Variants in SLC7A14 observed in about 807,000 individuals in gnomAD.
SLC7A14 encodes solute carrier family 7 member 14.
SLC7A14 carries 37 observed loss-of-function variants against 60.2 expected under a neutral mutation model. The ratio of observed to expected loss-of-function variants is 0.61; its 90% CI spans 0.47 to 0.81. The LOEUF is 0.81. Ranked by LOEUF, SLC7A14 falls within the 30% of genes least tolerant of loss-of-function variation. The pLI is 0.00. For synonymous variants in SLC7A14, 399 were observed against 395.8 expected, an observed-to-expected ratio of 1.01 and a Z score of -0.10; for missense variants, 886 against 982.7, an observed-to-expected ratio of 0.90 and a Z score of 1.32.
intron 2 of SLC7A14, among the ~76,000 whole-genome samples, chr3:170,525,070 C>T (rs963460960): frequency 6.6e-6 from 1 of 152,246 alleles, no homozygotes; most frequent in African/African-American, 2.4e-5. Context: ...CATTGGTACA[C>T]AGAATTCCCA....
At chr3:170,478,934 C>T (rs1711720520) in intron 7 of SLC7A14, among the ~76,000 whole-genome samples, 1 of 151,912 alleles carries the variant, frequency 6.6e-6, no homozygotes, top group African/African-American at 2.4e-5. Flanking sequence ...ACAGCCTGGC[C>T]AACATGGTGA....
rs1378608919 is a variant in SLC7A14, at chr3:170,486,376, G to A, written c.760-8C>T. The A allele has an allele frequency of 6.2e-7, 1 of 1,614,202 alleles. No homozygotes were observed. Among genetic ancestry groups the A allele is most frequent in the Admixed American group, 1.7e-5 (1 of 60,030 alleles). ...TGCTGCTCCTTGCAGCACCTGTGTG[G>A]ATGATGGCATTTGTCAGACTCAGAA... is the stretch of plus-strand genomic sequence containing the variant. On this transcript the variant is annotated splice_region_variant and splice_polypyrimidine_tract_variant and intron_variant, in intron 4 of 7. Coordinates refer to ENST00000231706, the MANE Select transcript of SLC7A14 (RefSeq NM_020949.3).
chr3:170,491,672 C>T (rs1577509064), intron 4 of SLC7A14, among the ~76,000 whole-genome samples: 1 of 152,086 alleles, frequency 6.6e-6, no homozygotes, highest in South Asian at 2.1e-4. Flanking sequence ...GCAGAGATTC[C>T]TAGAAGTAGC....
intron 1 of SLC7A14, among the ~76,000 whole-genome samples, chr3:170,533,679 G>T (rs62293557): frequency 7.0e-6 from 1 of 143,730 alleles, no homozygotes; most frequent in East Asian, 2.0e-4. Context: ...GTGTGTGTGT[G>T]GTGTGTGTGT....
chr3:170,557,807 A>G (rs1203496469), intron 1 of SLC7A14, among the ~76,000 whole-genome samples: 2 of 152,254 alleles, frequency 1.3e-5, no homozygotes, highest in Non-Finnish European at 2.9e-5. Flanking sequence ...AGTAAGCATT[A>G]GTAAATAGTG....
intron 1 of SLC7A14, among the ~76,000 whole-genome samples, chr3:170,560,629 T>C (rs1280214923): frequency 6.6e-6 from 1 of 152,100 alleles, no homozygotes; most frequent in East Asian, 1.9e-4. Flanking sequence ...AAGCATTGCC[T>C]CTCTATAGAT....
chr3:170,496,631 C>A (rs1176705664), intron 4 of SLC7A14: 5 of 1,499,806 alleles, frequency 3.3e-6, no homozygotes, highest in Non-Finnish European at 3.7e-6. Flanking sequence ...GCGAGGAGAG[C>A]CCGGCTGGAG....
chr3:170,478,075 AT>A (rs869088025), intron 7 of SLC7A14, among the ~76,000 whole-genome samples: 4 of 152,058 alleles, frequency 2.6e-5, no homozygotes, highest in African/African-American at 9.7e-5. Flanking sequence ...TAAAATATTA[AT>A]TTTTTTAAAA....
Position 170,480,427 on chromosome 3 carries a change from G to C in SLC7A14, c.1855C>G (p.Pro619Ala), listed in dbSNP as rs749824783. 1.9e-6 allele frequency: 3 copies of C among 1,613,566 alleles called. No homozygotes were observed. Reference sequence around the variant, plus strand: ...TAGGGCAGCTTCTTGGGGTTCTCTGGCTGCTGCAGGATCACAAACACCAGG... The same window carrying C: ...TAGGGCAGCTTCTTGGGGTTCTCTGCCTGCTGCAGGATCACAAACACCAGG... ...STLVFVILQQ[P>A]ENPKKLPYMA... is the part of the protein sequence containing the mutation. The change falls in exon 7 of 8, where the codon CCA becomes GCA. Residue 619 changes from proline to alanine, a missense_variant. By Grantham distance (27) the Pro-to-Ala change is conservative. Transcript: ENST00000231706.
chr3:170,557,197 T>C (rs1714509016), intron 1 of SLC7A14, among the ~76,000 whole-genome samples: 1 of 152,144 alleles, frequency 6.6e-6, no homozygotes, highest in African/African-American at 2.4e-5. Flanking sequence ...TTGGTCTTCT[T>C]ATTGGGTATA....
chr3:170,489,759 T>C (rs1712155287), intron 4 of SLC7A14, among the ~76,000 whole-genome samples: 1 of 152,126 alleles, frequency 6.6e-6, no homozygotes, highest in Non-Finnish European at 1.5e-5. Flanking sequence ...TATGCAGCCA[T>C]AAAAAAGAAT....
In SLC7A14 at chr3:170,533,766, A is replaced by T. The variant is rs10513682; in HGVS notation, c.-152-6678T>A. ...GTTGGTGCCTGACAAATTCACTTAGATGTACGATTGGCTTTAAAACCAGGG... is the reference window on the plus strand; with the variant it reads ...GTTGGTGCCTGACAAATTCACTTAGTTGTACGATTGGCTTTAAAACCAGGG... On this transcript the variant is annotated intron_variant, in intron 1 of 7. Transcript: ENST00000231706. Among the ~76,000 whole-genome samples, 3 of 152,084 alleles carry T rather than the reference A, an allele frequency of 2.0e-5. No individual in the cohort carries two copies. In the South Asian group the frequency reaches 6.2e-4, roughly 32 times the overall value.
chr3:170,530,483 C>T (rs558119910), intron 1 of SLC7A14, among the ~76,000 whole-genome samples: 64 of 152,284 alleles, frequency 4.2e-4, no homozygotes, highest in African/African-American at 1.3e-3. Context: ...CCCTGGGCTC[C>T]GTGGGGCTCT....
intron 4 of SLC7A14, among the ~76,000 whole-genome samples, chr3:170,488,776 A>G (rs1280569649): frequency 2.0e-5 from 3 of 152,250 alleles, no homozygotes; most frequent in Non-Finnish European, 4.4e-5. Context: ...AATCTTCAGG[A>G]CATTGGTCTG....
chr3:170,543,394 A>G (rs1462505206), intron 1 of SLC7A14, among the ~76,000 whole-genome samples: 1 of 152,134 alleles, frequency 6.6e-6, no homozygotes, highest in East Asian at 1.9e-4. Context: ...TTACTCCTGT[A>G]ATCCCAGCAC....
intron 1 of SLC7A14, among the ~76,000 whole-genome samples, chr3:170,554,254 A>G (rs1408398903): frequency 6.6e-6 from 1 of 152,212 alleles, no homozygotes; most frequent in East Asian, 1.9e-4. Context: ...ATACTATTAC[A>G]TCTTCCACTG....
At chr3:170,539,708 T>A (rs187987734) in intron 1 of SLC7A14, among the ~76,000 whole-genome samples, 1 of 152,318 alleles carries the variant, frequency 6.6e-6, no homozygotes, top group East Asian at 1.9e-4. Context: ...AAACACGAGT[T>A]TAAAATCTAC....
intron 4 of SLC7A14, chr3:170,495,581 G>C: frequency 1.3e-6 from 1 of 764,802 alleles, no homozygotes; most frequent in Non-Finnish European, 2.4e-6. Flanking sequence ...GCAGCTTCCG[G>C]GGTGGCCTGG....
rs908426290 is a variant in SLC7A14, at chr3:170,464,344, G to A, written c.*2711C>T. 6.6e-6 allele frequency: 1 copy of A among 152,164 alleles called. No homozygotes were observed. The highest frequency in any genetic ancestry group is 2.4e-5 in the African/African-American group (1 of 41,452). The allele number at this position is 152,164 out of a possible 1,614,324, so 9.4% of individuals were successfully genotyped here. On this transcript the variant is annotated 3_prime_UTR_variant, in exon 8 of 8. Transcript: ENST00000231706. ...CCTTGGACTCCCTTCAAGGGGCAAA[G>A]TTTCTAAGATAATTATAAGGTGATC...
Sources: allele counts gnomAD v4.1 joint callset (sites outside exome capture counted in the v4.1 genomes callset), GRCh38; gene constraint gnomAD v4.1.1; transcripts MANE v1.5; gene names NCBI Gene and HGNC (gene_info 2026-07-23, HGNC 2026-07-21).